The following C14orf132 variants were observed in gnomAD, a reference collection of about 807,000 sequenced individuals.
C14orf132 encodes the protein uncharacterized protein C14orf132.
A neutral mutation model predicts 5.8 loss-of-function variants in C14orf132; 6 were observed. The observed-to-expected ratio is 1.03, with a 90% confidence interval of 0.57 to 2.04. The LOEUF (loss-of-function observed/expected upper bound fraction) is 2.04. Ranked by LOEUF, C14orf132 falls within the 30% of genes most tolerant of loss-of-function variation. C14orf132 has a pLI of 0.00. For synonymous variants in C14orf132, 51 were observed against 49.8 expected, an observed-to-expected ratio of 1.02 and a Z score of -0.10; for missense variants, 125 against 115.8, an observed-to-expected ratio of 1.08 and a Z score of -0.37.
At chr14:96,076,669 G>A (rs762851144) in intron 1 of C14orf132, among the ~76,000 whole-genome samples, 4 of 152,202 alleles carry the variant, frequency 2.6e-5, no homozygotes, top group Non-Finnish European at 5.9e-5. Context: ...TTATGGATTT[G>A]TGTTGGGCCA....
At chr14:96,085,855 C>G (rs746726712) in intron 1 of C14orf132, among the ~76,000 whole-genome samples, 1 of 152,142 alleles carries the variant, frequency 6.6e-6, no homozygotes, top group Non-Finnish European at 1.5e-5. Flanking sequence ...GGCTTATGTT[C>G]ATGATAGAAT....
chr14:96,085,117 C>T (rs1323821555), intron 1 of C14orf132, among the ~76,000 whole-genome samples: 1 of 152,212 alleles, frequency 6.6e-6, no homozygotes, highest in Non-Finnish European at 1.5e-5. Context: ...GCCTTGACCT[C>T]TGCTTATCCA....
rs1377644275 is a variant in C14orf132 at position 96,039,495 on chromosome 14, G to A, written c.-6G>A. ...CGAGGACTCGAGCGCTGGCTGCAGCGACACCATGGATCTCTCCTTTATGGC... is the reference window on the plus strand; with the variant it reads ...CGAGGACTCGAGCGCTGGCTGCAGCAACACCATGGATCTCTCCTTTATGGC... On this transcript the variant is annotated 5_prime_UTR_variant, in exon 1 of 2. Transcript: ENST00000555004. This position sits in a 1 kb window ranked among gnomAD's most constrained non-coding sequence, Gnocchi z 5.3. 1 of 1,497,414 alleles carries A rather than the reference G, an allele frequency of 6.7e-7. No individual in the cohort carries two copies. The highest frequency in any genetic ancestry group is 8.9e-7 in the Non-Finnish European group (1 of 1,126,368). 92.8% of individuals were successfully genotyped at this position (1,497,414 alleles called of 1,614,324 possible).
chr14:96,061,782 T>A (rs1429357288), intron 1 of C14orf132, among the ~76,000 whole-genome samples: 3 of 152,044 alleles, frequency 2.0e-5, no homozygotes, highest in African/African-American at 7.3e-5. Context: ...TGGTGGTGCA[T>A]GCCTGTAGCT....
intron 1 of C14orf132, among the ~76,000 whole-genome samples, chr14:96,050,099 C>G (rs1886986621): frequency 6.6e-6 from 1 of 152,078 alleles, no homozygotes; most frequent in Admixed American, 6.5e-5. Flanking sequence ...GATTGATTGC[C>G]TTTTCTCCTC....
At chr14:96,083,132 G>A (rs1281990789) in intron 1 of C14orf132, among the ~76,000 whole-genome samples, 1 of 152,184 alleles carries the variant, frequency 6.6e-6, no homozygotes. Context: ...TCCAGGATTG[G>A]GGTTTATGAA....
intron 1 of C14orf132, among the ~76,000 whole-genome samples, chr14:96,055,167 C>T (rs538482604): frequency 6.6e-6 from 1 of 152,332 alleles, no homozygotes; most frequent in African/African-American, 2.4e-5. Context: ...TTCATGCTCA[C>T]ATCAGTGCTC....
intron 1 of C14orf132, among the ~76,000 whole-genome samples, chr14:96,068,335 G>C (rs1275220553): frequency 6.6e-6 from 1 of 152,322 alleles, no homozygotes; most frequent in South Asian, 2.1e-4. Flanking sequence ...AAAGCCTTTG[G>C]GGTTTGGGGA....
At chr14:96,059,658 G>T (rs890203098) in intron 1 of C14orf132, among the ~76,000 whole-genome samples, 6 of 152,152 alleles carry the variant, frequency 3.9e-5, no homozygotes, top group Non-Finnish European at 8.8e-5. Flanking sequence ...AGCTGGGTTG[G>T]GTATTTCTTG....
In C14orf132 at chr14:96,090,702, G is replaced by A. The variant is rs954457669; in HGVS notation, c.*3967G>A. On this transcript the variant is annotated 3_prime_UTR_variant, in exon 2 of 2. Coordinates refer to ENST00000555004, the MANE Select transcript of C14orf132 (RefSeq NM_001252507.3). Reference sequence around the variant, plus strand: ...ATCCCCCAGGATCTGAGGGAGAAAGGATGGGAGGAGGGGCAGCAGCATTTC... The same window carrying A: ...ATCCCCCAGGATCTGAGGGAGAAAGAATGGGAGGAGGGGCAGCAGCATTTC... 11 of 455,976 alleles carry A rather than the reference G, an allele frequency of 2.4e-5. No homozygotes were observed. Among genetic ancestry groups the A allele is most frequent in the Non-Finnish European group, 4.0e-5 (9 of 226,814 alleles). The allele number at this position is 455,976 out of a possible 1,614,324, so 28.2% of individuals were successfully genotyped here. A position where few individuals can be genotyped will look rare whatever the true frequency, so the allele number is the denominator to read the frequency against.
At chr14:96,044,001 A>G (rs1301931466) in intron 1 of C14orf132, among the ~76,000 whole-genome samples, 3 of 152,164 alleles carry the variant, frequency 2.0e-5, no homozygotes, top group Admixed American at 6.5e-5. Context: ...AGGGAGGCTC[A>G]GCCGGCAAAC....
chr14:96,075,398 T>G (rs1356601547), intron 1 of C14orf132, among the ~76,000 whole-genome samples: 3 of 152,192 alleles, frequency 2.0e-5, no homozygotes, highest in Admixed American at 2.0e-4. Context: ...TATATATATA[T>G]GACTTTTATT....
intron 1 of C14orf132, among the ~76,000 whole-genome samples, chr14:96,079,781 G>A (rs1205338920): frequency 1.3e-5 from 2 of 152,164 alleles, no homozygotes; most frequent in African/African-American, 2.4e-5. Context: ...CAGAGAGCCT[G>A]GGCCACAGAT....
In C14orf132 at chr14:96,091,301, G is replaced by T; in HGVS notation, c.*4566G>T. ...CACATTCAAGTGTAAGTCCAGGAAA[G>T]GGGCAGGCGGCAGTGCACAGGGATT... On this transcript the variant is annotated 3_prime_UTR_variant, in exon 2 of 2. Coordinates refer to ENST00000555004, the MANE Select transcript of C14orf132 (RefSeq NM_001252507.3). 1 of 339,492 alleles carries T rather than the reference G, an allele frequency of 2.9e-6. No individual in the cohort carries two copies. The highest frequency in any genetic ancestry group is 2.4e-5 in the South Asian group (1 of 41,092). 21.0% of individuals were successfully genotyped at this position (339,492 alleles called of 1,614,324 possible).
At position 96,086,723 on chromosome 14, in the gene C14orf132, C is replaced by T; in HGVS notation, c.240C>T (p.Ala80=). The stretch of plus-strand genomic sequence containing the variant: ...TCGTGGTGGTGGGCGTGGTGTATGC[C>T]TTCACCTTCTGAGGACGGCACACCC... ...GNIVVVGVVY[A]FTF is the part of the protein sequence containing the mutation. The change falls in exon 2 of 2, where the codon GCC becomes GCT. Residue 80 remains alanine (A), a synonymous_variant. Coordinates refer to ENST00000555004, the MANE Select transcript of C14orf132 (RefSeq NM_001252507.3). 6.5e-7 allele frequency: 1 copy of T among 1,536,126 alleles called. No individual in the cohort carries two copies. The highest frequency in any genetic ancestry group is 8.7e-7 in the Non-Finnish European group (1 of 1,146,898).
intron 1 of C14orf132, among the ~76,000 whole-genome samples, chr14:96,049,569 TACATATATAC>T (rs1310744616): frequency 0.054 from 6,864 of 127,424 alleles, 648 homozygotes; most frequent in Non-Finnish European, 0.092. Flanking sequence ...TACGTATATA[TACATATATAC>T]GTATATATAT....
intron 1 of C14orf132, chr14:96,051,314 G>T: frequency 2.5e-6 from 1 of 398,178 alleles, no homozygotes; most frequent in Non-Finnish European, 4.4e-6. Flanking sequence ...GAGTTGGGCA[G>T]TTCAGTGAGC....
At chr14:96,059,197 A>G (rs1887271618) in intron 1 of C14orf132, among the ~76,000 whole-genome samples, 1 of 152,160 alleles carries the variant, frequency 6.6e-6, no homozygotes, top group Non-Finnish European at 1.5e-5. Flanking sequence ...AGGTGGAAGG[A>G]TTGCTTGAGC....
intron 1 of C14orf132, among the ~76,000 whole-genome samples, chr14:96,074,510 G>T (rs538106198): frequency 6.7e-6 from 1 of 149,040 alleles, no homozygotes; most frequent in African/African-American, 2.5e-5. Flanking sequence ...TTTCATTTAG[G>T]TCTAAGATCC....
Sources: allele counts gnomAD v4.1 joint callset (sites outside exome capture counted in the v4.1 genomes callset), GRCh38; gene constraint gnomAD v4.1.1; non-coding constraint Gnocchi (gnomAD v3.1); transcripts MANE v1.5; gene names NCBI Gene and HGNC (gene_info 2026-07-23, HGNC 2026-07-21).